PTPRZ1: variants seen among roughly 807,000 people sequenced by gnomAD.
PTPRZ1 encodes receptor-type tyrosine-protein phosphatase zeta.
In PTPRZ1, 82 loss-of-function variants were observed where a neutral mutation model predicts 214.1. That is an observed-to-expected ratio of 0.38 (90% CI 0.32 to 0.46). PTPRZ1 has a LOEUF of 0.46. PTPRZ1 is among the 20% of genes least tolerant of loss of function. PTPRZ1 has a pLI of 1.00. For synonymous variants in PTPRZ1, 945 were observed against 987.9 expected, an observed-to-expected ratio of 0.96 and a Z score of 0.81; for missense variants, 2,603 against 2,748.7, an observed-to-expected ratio of 0.95 and a Z score of 1.19.
intron 4 of PTPRZ1, among the ~76,000 whole-genome samples, chr7:121,974,828 G>A (rs2116537702): frequency 6.6e-6 from 1 of 152,210 alleles, no homozygotes; most frequent in South Asian, 2.1e-4. Flanking sequence ...AATTGTGTAA[G>A]CAGGAAACCC....
intron 1 of PTPRZ1, chr7:121,908,968 C>T (rs778124273): frequency 1.9e-6 from 1 of 516,650 alleles, no homozygotes; most frequent in Non-Finnish European, 3.9e-6. Context: ...ACATGTTAGA[C>T]TTTAGTATTG....
At chr7:122,024,836 A>T (rs1329148926) in intron 13 of PTPRZ1, among the ~76,000 whole-genome samples, 3 of 152,172 alleles carry the variant, frequency 2.0e-5, no homozygotes, top group Admixed American at 1.3e-4. Context: ...ATTCTATGAG[A>T]TGCTGCCTTC....
At chr7:122,043,814 A>G (rs1430314933) in intron 22 of PTPRZ1, among the ~76,000 whole-genome samples, 10 of 152,144 alleles carry the variant, frequency 6.6e-5, no homozygotes, top group Non-Finnish European at 8.8e-5. Flanking sequence ...ACTAATGGGT[A>G]TGAGCCTTAA....
chr7:121,923,332 G>A (rs938787115), intron 1 of PTPRZ1, among the ~76,000 whole-genome samples: 30 of 152,126 alleles, frequency 2.0e-4, no homozygotes, highest in Non-Finnish European at 1.5e-5. Context: ...TTTAAAGGAC[G>A]TGAAATATGC....
chr7:121,873,692 C>G, intron 1 of PTPRZ1, 135 bp downstream of exon 1: 1 of 1,123,038 alleles, frequency 8.9e-7, no homozygotes, highest in Non-Finnish European at 1.3e-6. Flanking sequence ...AACTGGGCTC[C>G]CACGGAGCGG....
At chr7:121,985,436 T>C (rs1367973176) in intron 8 of PTPRZ1, among the ~76,000 whole-genome samples, 2 of 152,226 alleles carry the variant, frequency 1.3e-5, no homozygotes, top group African/African-American at 4.8e-5. Context: ...TTCAAACTGC[T>C]TGTTATTGCA....
intron 27 of PTPRZ1, among the ~76,000 whole-genome samples, chr7:122,056,627 A>C (rs1306322361): frequency 1.3e-5 from 2 of 151,784 alleles, no homozygotes; most frequent in African/African-American, 2.4e-5. Flanking sequence ...TTAAGAATTT[A>C]TTAAATATTG....
At chr7:121,920,593 AG>A (rs1247648015) in intron 1 of PTPRZ1, among the ~76,000 whole-genome samples, 112 of 152,316 alleles carry the variant, frequency 7.4e-4, no homozygotes, top group African/African-American at 2.5e-3. Flanking sequence ...ACATAAAACT[AG>A]GTAACTATAA....
intron 21 of PTPRZ1, 36 bp downstream of exon 21, chr7:122,041,015 T>G: frequency 3.6e-6 from 5 of 1,397,650 alleles, no homozygotes; most frequent in Non-Finnish European, 4.7e-6. Context: ...ACCCATAGAA[T>G]TGCTTATACT....
At chr7:121,905,161 A>G (rs1254352863) in intron 1 of PTPRZ1, among the ~76,000 whole-genome samples, 5 of 152,206 alleles carry the variant, frequency 3.3e-5, no homozygotes, top group African/African-American at 9.6e-5. Context: ...GTTGAGGAAG[A>G]CTTTTTCTCT....
At chr7:121,998,138 C>A in intron 10 of PTPRZ1, 132 bp downstream of exon 10, 1 of 1,083,224 alleles carries the variant, frequency 9.2e-7, no homozygotes, top group Non-Finnish European at 1.3e-6. Flanking sequence ...GTCTGGATTG[C>A]CGGGTAATTT....
At chr7:122,007,087 G>A (rs1798514464) in intron 11 of PTPRZ1, among the ~76,000 whole-genome samples, 1 of 152,206 alleles carries the variant, frequency 6.6e-6, no homozygotes, top group Admixed American at 6.5e-5. Flanking sequence ...GAGAGAGGCT[G>A]TGGAAAGCAA....
At chr7:121,885,607 A>G (rs960095780) in intron 1 of PTPRZ1, among the ~76,000 whole-genome samples, 1 of 152,198 alleles carries the variant, frequency 6.6e-6, no homozygotes, top group African/African-American at 2.4e-5. Context: ...ACTATTCAGT[A>G]TTCTTGGCAT....
chr7:121,983,600 G>T, intron 6 of PTPRZ1, 65 bp from the exon 7 acceptor site: 1 of 1,401,826 alleles, frequency 7.1e-7, no homozygotes. Flanking sequence ...CTGTTTCATA[G>T]AAGTTTTGAA....
chr7:122,012,748 C>T lies in PTPRZ1; in HGVS notation c.3702C>T (p.Asn1234=). The T allele has an allele frequency of 6.2e-7, 1 of 1,610,268 alleles. No homozygotes were observed. The highest frequency in any genetic ancestry group is 8.5e-7 in the Non-Finnish European group (1 of 1,176,562). Residue 1234 remains asparagine (N), a synonymous_variant, in exon 12 of 30, where the codon AAC becomes AAT. Transcript: ENST00000393386. ...LIVSNSASSE[N]MLHSTSVPVF... is the part of the protein sequence containing the mutation. ...TATCAAATTCTGCTTCAAGTGAAAA[C>T]ATGCTGCACTCTACATCTGTACCAG...
At chr7:121,970,537 T>C (rs1361003260) in intron 3 of PTPRZ1, among the ~76,000 whole-genome samples, 1 of 152,248 alleles carries the variant, frequency 6.6e-6, no homozygotes, top group Non-Finnish European at 1.5e-5. Flanking sequence ...TTGATTTGCA[T>C]TTCTCTGATG....
chr7:122,011,345 G>T lies in PTPRZ1; in HGVS notation c.2299G>T (p.Val767Phe), dbSNP rs1243753302. 3.7e-6 allele frequency: 6 copies of T among 1,614,010 alleles called. No homozygotes were observed. Among genetic ancestry groups the T allele is most frequent in the Non-Finnish European group, 5.1e-6 (6 of 1,180,024 alleles). Residue 767 changes from valine to phenylalanine, a missense_variant, in exon 12 of 30, where the codon GTC (valine) becomes TTC (phenylalanine). By Grantham distance (50) the Val-to-Phe change is conservative (BLOSUM62 -1). Transcript: ENST00000393386. ...TCTTCAACCTTCCTACAGTAGTGAA[G>T]TCTTTCCTCTAGTCACCCCTTTGTT... ...TPLQPSYSSE[V>F]FPLVTPLLLD...
chr7:121,896,926 G>A (rs754769471), intron 1 of PTPRZ1, among the ~76,000 whole-genome samples: 9 of 152,060 alleles, frequency 5.9e-5, no homozygotes, highest in Admixed American at 2.6e-4. Context: ...TCATTGCTCC[G>A]TGCTTATGGC....
At chr7:121,948,120 T>C (rs1005732792) in intron 2 of PTPRZ1, among the ~76,000 whole-genome samples, 1 of 152,152 alleles carries the variant, frequency 6.6e-6, no homozygotes, top group African/African-American at 2.4e-5. Flanking sequence ...CAACAACAAA[T>C]ACAGGTGATA....
Sources: allele counts gnomAD v4.1 joint callset (sites outside exome capture counted in the v4.1 genomes callset), GRCh38; gene constraint gnomAD v4.1.1; transcripts MANE v1.5; gene names NCBI Gene and HGNC (gene_info 2026-07-23, HGNC 2026-07-21).